The following MDGA2 variants were observed in gnomAD, a reference collection of about 807,000 sequenced individuals.
The protein encoded by MDGA2 is MAM domain containing glycosylphosphatidylinositol anchor 2.
A neutral mutation model predicts 117.8 loss-of-function variants in MDGA2; 40 were observed. That is an observed-to-expected ratio of 0.34 (90% CI 0.26 to 0.44). MDGA2 has a LOEUF of 0.44. Among genes scored for constraint, MDGA2 ranks in the 20% least tolerant of loss-of-function variants. MDGA2 has a pLI of 1.00. For synonymous variants in MDGA2, 452 were observed against 439.0 expected (o/e 1.03, Z -0.37); for missense variants, 1,123 against 1,250.6 (o/e 0.90, Z 1.54).
chr14:47,342,616 T>C (rs182420460), intron 1 of MDGA2, among the ~76,000 whole-genome samples: 3 of 152,264 alleles, frequency 2.0e-5, no homozygotes, highest in Admixed American at 2.0e-4. Context: ...TGCAGCTATA[T>C]ATTTTACTAA....
At chr14:47,430,025 C>A (rs1168745956) in intron 1 of MDGA2, among the ~76,000 whole-genome samples, 1 of 149,818 alleles carries the variant, frequency 6.7e-6, no homozygotes, top group African/African-American at 2.5e-5. Context: ...AGGACAGTGT[C>A]TCTAGAAGGT....
chr14:46,917,663 T>G (rs1025732987), intron 10 of MDGA2, among the ~76,000 whole-genome samples: 1 of 152,184 alleles, frequency 6.6e-6, no homozygotes, highest in Non-Finnish European at 1.5e-5. Flanking sequence ...GAAAATTCAC[T>G]AATTTTTCAA....
chr14:47,542,803 GTTTTA>G (rs1895379558), intron 1 of MDGA2, among the ~76,000 whole-genome samples: 2 of 152,132 alleles, frequency 1.3e-5, no homozygotes, highest in African/African-American at 2.4e-5. Context: ...TTTTAGTATT[GTTTTA>G]TTTTAATTAA....
At chr14:46,877,653 A>G (rs1882286148) in intron 11 of MDGA2, 144 bp from the exon 12 acceptor site, 1 of 518,434 alleles carries the variant, frequency 1.9e-6, no homozygotes, top group Admixed American at 3.4e-5. Flanking sequence ...ATTGAGATTT[A>G]TATCTGCAAT....
intron 1 of MDGA2, among the ~76,000 whole-genome samples, chr14:47,468,996 T>C (rs967581290): frequency 6.6e-6 from 1 of 152,122 alleles, no homozygotes; most frequent in African/African-American, 2.4e-5. Context: ...GATTCTATTC[T>C]ATCTGATTGC....
chr14:46,952,641 A>C (rs1314496898), intron 9 of MDGA2, among the ~76,000 whole-genome samples: 2 of 151,992 alleles, frequency 1.3e-5, no homozygotes, highest in East Asian at 3.9e-4. Flanking sequence ...AAGAATAATG[A>C]TTAACATAAC....
chr14:47,290,805 A>T (rs1161007131), intron 2 of MDGA2, among the ~76,000 whole-genome samples: 1 of 151,910 alleles, frequency 6.6e-6, no homozygotes, highest in Admixed American at 6.6e-5. Flanking sequence ...AAAAAAAAAA[A>T]ACACAATATA....
At chr14:47,340,870 T>C (rs1366620690) in intron 1 of MDGA2, among the ~76,000 whole-genome samples, 3 of 152,198 alleles carry the variant, frequency 2.0e-5, no homozygotes, top group Non-Finnish European at 4.4e-5. Context: ...AGTCATGTTA[T>C]ATATTCAAAC....
intron 3 of MDGA2, among the ~76,000 whole-genome samples, chr14:47,214,159 C>G (rs900028517): frequency 6.6e-6 from 1 of 151,920 alleles, no homozygotes; most frequent in Non-Finnish European, 1.5e-5. Flanking sequence ...GATTATAATT[C>G]GAGATGAGAT....
At chr14:47,200,569 T>C (rs935706092) in intron 3 of MDGA2, 7 of 944,890 alleles carry the variant, frequency 7.4e-6, no homozygotes, top group East Asian at 2.5e-5. Context: ...ACAGTCTTTA[T>C]TGGGCTCAGA....
intron 7 of MDGA2, among the ~76,000 whole-genome samples, chr14:47,039,212 T>A (rs889473600): frequency 6.6e-6 from 1 of 152,214 alleles, no homozygotes; most frequent in Non-Finnish European, 1.5e-5. Flanking sequence ...TTCCAATGGC[T>A]CATAATTGCA....
intron 1 of MDGA2, among the ~76,000 whole-genome samples, chr14:47,493,994 T>TC (rs1245775970): frequency 6.6e-6 from 1 of 152,090 alleles, no homozygotes; most frequent in African/African-American, 2.4e-5. Flanking sequence ...TAAGGTTGGT[T>TC]CCCCCATGCT....
At chr14:46,995,255 G>T (rs1887245063) in intron 8 of MDGA2, among the ~76,000 whole-genome samples, 1 of 151,998 alleles carries the variant, frequency 6.6e-6, no homozygotes, top group Admixed American at 6.6e-5. Context: ...GAACCAATTA[G>T]GGAGTTTTTT....
At chr14:47,279,429 G>A (rs577069807) in intron 2 of MDGA2, among the ~76,000 whole-genome samples, 3 of 152,078 alleles carry the variant, frequency 2.0e-5, no homozygotes, top group African/African-American at 7.2e-5. Flanking sequence ...CTTATAATAT[G>A]CTGTGCTTTT....
intron 6 of MDGA2, among the ~76,000 whole-genome samples, chr14:47,065,557 G>C (rs770212862): frequency 6.6e-6 from 1 of 152,192 alleles, no homozygotes. Context: ...CCACAAAGAG[G>C]AGGCTGTGAG....
intron 3 of MDGA2, among the ~76,000 whole-genome samples, chr14:47,210,750 G>A (rs1418072841): frequency 6.6e-6 from 1 of 152,174 alleles, no homozygotes; most frequent in South Asian, 2.1e-4. Context: ...GGGCACAAGT[G>A]GCTCACGCCT....
chr14:46,863,956 T>C (rs975461981), intron 14 of MDGA2, among the ~76,000 whole-genome samples: 1 of 152,122 alleles, frequency 6.6e-6, no homozygotes, highest in Non-Finnish European at 1.5e-5. Flanking sequence ...TTTAAATTCA[T>C]CTCATTTAAC....
In MDGA2 at chr14:47,605,988, G is replaced by A. The variant is rs571172572; in HGVS notation, c.280+68529C>T. Among the ~76,000 whole-genome samples, 61 of 152,202 alleles carry A rather than the reference G, an allele frequency of 4.0e-4. 1 individual carries two copies. The Middle Eastern group carries it at 0.01, about 25-fold the overall frequency. ...TTCATGGTGCTGAATCAAAGAGGCC[G>A]TCTTCAAACACCATATCTAATGGTG... is the stretch of plus-strand genomic sequence containing the variant. On this transcript the variant is annotated intron_variant, in intron 1 of 16. Transcript: ENST00000399232.
chr14:46,885,170 A>G (rs17561687), intron 10 of MDGA2, among the ~76,000 whole-genome samples: 1,882 of 152,150 alleles, frequency 0.012, 26 homozygotes, highest in East Asian at 0.046. Context: ...CTTAAACAGA[A>G]TAGGGAAGGA....
Sources: allele counts gnomAD v4.1 joint callset (sites outside exome capture counted in the v4.1 genomes callset), GRCh38; gene constraint gnomAD v4.1.1; transcripts MANE v1.5; gene names NCBI Gene and HGNC (gene_info 2026-07-23, HGNC 2026-07-21).